Variants in PCDHGB5 observed in about 807,000 individuals in gnomAD.
The protein encoded by PCDHGB5 is protocadherin gamma subfamily B, 5.
PCDHGB5 carries 48 observed loss-of-function variants against 62.9 expected under a neutral mutation model. That is an observed-to-expected ratio of 0.76 (90% CI 0.61 to 0.97). PCDHGB5 has a LOEUF of 0.97. Ranked by LOEUF, PCDHGB5 falls within the 50% of genes least tolerant of loss-of-function variation. The pLI, the probability that PCDHGB5 is intolerant of heterozygous loss-of-function variation, is 0.00. For missense variants in PCDHGB5, 1,118 were observed against 1,198.6 expected, an observed-to-expected ratio of 0.93 and a Z score of 0.99; for synonymous variants, 474 against 511.2, an observed-to-expected ratio of 0.93 and a Z score of 0.98.
Position 141,433,359 on chromosome 5 carries a change from CTAT to C in PCDHGB5, c.2397+32836_2397+32838del, listed in dbSNP as rs2097588942. 4 of 228,708 alleles carry C rather than the reference CTAT, an allele frequency of 1.7e-5. No homozygotes were observed. In the African/African-American group the frequency reaches 3.4e-4, roughly 19 times the overall value. The allele number at this position is 228,708 out of a possible 1,614,324, so 14.2% of individuals were successfully genotyped here. ...CAGGTGCAAGCCACCTACTGTCTGC[CTAT>C]CTATCTATCTATCTATCTATCTATC... On this transcript the variant is annotated intron_variant, in intron 1 of 3. Coordinates refer to ENST00000617380, the MANE Select transcript of PCDHGB5 (RefSeq NM_018925.3).
intron 3 of PCDHGB5, among the ~76,000 whole-genome samples, chr5:141,509,353 C>A (rs2099876446): frequency 6.6e-6 from 1 of 152,170 alleles, no homozygotes; most frequent in Non-Finnish European, 1.5e-5. Context: ...CTGGCCTGGG[C>A]ATCCCTGAGG....
rs941528168 is a variant in PCDHGB5, at chr5:141,476,433, T to C, written c.2398-18374T>C. 2 of 1,614,094 alleles carry C rather than the reference T, an allele frequency of 1.2e-6. No individual in the cohort carries two copies. The highest frequency in any genetic ancestry group is 2.2e-5 in the East Asian group (1 of 44,856). ...TGTGGGACACTGCCCTCTTGCACTGTAACTCTGGAGTTGGTAGTGGAGAAC... is the reference window on the plus strand; with the variant it reads ...TGTGGGACACTGCCCTCTTGCACTGCAACTCTGGAGTTGGTAGTGGAGAAC... On this transcript the variant is annotated intron_variant, in intron 1 of 3. Coordinates refer to ENST00000617380, the MANE Select transcript of PCDHGB5 (RefSeq NM_018925.3). This position sits in a 1 kb window ranked among gnomAD's most constrained non-coding sequence, Gnocchi z 7.6.
chr5:141,454,625 C>G (rs1193628253), intron 1 of PCDHGB5, among the ~76,000 whole-genome samples: 1 of 151,512 alleles, frequency 6.6e-6, no homozygotes, highest in Admixed American at 6.6e-5. Context: ...AGGCTGGTCT[C>G]GAACCCCCAA....
intron 2 of PCDHGB5, among the ~76,000 whole-genome samples, chr5:141,498,543 C>T (rs2099784198): frequency 6.6e-6 from 1 of 151,870 alleles, no homozygotes; most frequent in South Asian, 2.1e-4. Flanking sequence ...CTGGTCTGGT[C>T]AGACACACCA....
chr5:141,455,924 G>A (rs2098837630), intron 1 of PCDHGB5, among the ~76,000 whole-genome samples: 1 of 149,978 alleles, frequency 6.7e-6, no homozygotes. Flanking sequence ...TTGAGACGGA[G>A]TCTCGCTCTG....
chr5:141,470,054 C>T (rs895181664), intron 1 of PCDHGB5, among the ~76,000 whole-genome samples: 2 of 152,118 alleles, frequency 1.3e-5, no homozygotes, highest in African/African-American at 4.8e-5. Flanking sequence ...GTTTGAACCC[C>T]GGAGGCAGAG....
chr5:141,440,902 G>C (rs138147244), intron 1 of PCDHGB5: 1 of 152,110 alleles, frequency 6.6e-6, no homozygotes, highest in Admixed American at 6.6e-5. Context: ...ATGTGCATCC[G>C]GGCACTCCTG....
intron 1 of PCDHGB5, among the ~76,000 whole-genome samples, chr5:141,484,796 C>A (rs987893041): frequency 1.3e-5 from 2 of 151,304 alleles, no homozygotes; most frequent in African/African-American, 4.9e-5. Flanking sequence ...GATAACAACC[C>A]GTGGAAAAAC....
chr5:141,424,393 A>G (rs1241872928), intron 1 of PCDHGB5: 1 of 152,120 alleles, frequency 6.6e-6, no homozygotes, highest in Non-Finnish European at 1.5e-5. Flanking sequence ...TGTCTTTTCC[A>G]TTACTATGGT....
chr5:141,458,347 T>A (rs1351687231), intron 1 of PCDHGB5, among the ~76,000 whole-genome samples: 1 of 151,916 alleles, frequency 6.6e-6, no homozygotes, highest in Non-Finnish European at 1.5e-5. Flanking sequence ...AGTGGAGAGT[T>A]TAATAAGCAA....
intron 1 of PCDHGB5, among the ~76,000 whole-genome samples, chr5:141,472,980 C>CAAAAAAAAAAAAAAAAGAAAAAAA (rs2099308501): frequency 2.3e-5 from 2 of 86,104 alleles, no homozygotes; most frequent in African/African-American, 7.8e-5. Flanking sequence ...GAGTGAAACT[C>CAAAAAAAAAAAAAAAAGAAAAAAA]AAAAAAAAAA....
At chr5:141,424,547 T>A (rs1484479408) in intron 1 of PCDHGB5, 2 of 152,238 alleles carry the variant, frequency 1.3e-5, no homozygotes, top group African/African-American at 4.8e-5. Flanking sequence ...AACTTGATTT[T>A]GATTCAGTGC....
At chr5:141,437,832 G>A (rs929534984) in intron 1 of PCDHGB5, among the ~76,000 whole-genome samples, 2 of 151,794 alleles carry the variant, frequency 1.3e-5, no homozygotes, top group Admixed American at 1.3e-4. Context: ...CTGCCTCCTG[G>A]GTTCATGCTA....
intron 1 of PCDHGB5, chr5:141,422,162 A>T: frequency 6.4e-7 from 1 of 1,571,230 alleles, no homozygotes; most frequent in Non-Finnish European, 8.6e-7. Context: ...GATTTTGAAA[A>T]ATATAGATTC....
In PCDHGB5 at chr5:141,512,394, C is replaced by A. The variant is rs750967336; in HGVS notation, c.*1221C>A. 1 of 152,706 alleles carries A rather than the reference C, an allele frequency of 6.5e-6. No homozygotes were observed. The highest frequency in any genetic ancestry group is 1.5e-5 in the Non-Finnish European group (1 of 68,084). The allele number at this position is 152,706 out of a possible 1,614,324, so 9.5% of individuals were successfully genotyped here. ...GACCAAATGAACAGAAAGTCTCAGC[C>A]CAGGATGGGGCTTCTTCAACAGGGC... is the stretch of plus-strand genomic sequence containing the variant. On this transcript the variant is annotated 3_prime_UTR_variant, in exon 4 of 4. Transcript: ENST00000617380.
chr5:141,471,080 C>T (rs2099249652), intron 1 of PCDHGB5, among the ~76,000 whole-genome samples: 1 of 147,610 alleles, frequency 6.8e-6, no homozygotes, highest in African/African-American at 2.5e-5. Context: ...ACAGGGTCTC[C>T]CTCTGTTGTC....
At chr5:141,484,287 C>T (rs1432341538) in intron 1 of PCDHGB5, among the ~76,000 whole-genome samples, 1 of 152,268 alleles carries the variant, frequency 6.6e-6, no homozygotes, top group Non-Finnish European at 1.5e-5. Context: ...GAAACATCTC[C>T]CTCTCCTGGC....
chr5:141,429,421 C>T (rs1223756901), intron 1 of PCDHGB5, among the ~76,000 whole-genome samples: 1 of 151,486 alleles, frequency 6.6e-6, no homozygotes, highest in Non-Finnish European at 1.5e-5. Context: ...CATTATGTTG[C>T]CCAGGCTGGA....
chr5:141,477,845 GT>G lies in PCDHGB5; in HGVS notation c.2398-16961del, dbSNP rs1562065234. ...ATATCCTCGGCCAGGTGGGAGCTCG[GT>G]GGAGATGCTGCCTCGAGGTACCTCA... is the stretch of plus-strand genomic sequence containing the variant. On this transcript the variant is annotated intron_variant, in intron 1 of 3. Coordinates refer to ENST00000617380, the MANE Select transcript of PCDHGB5 (RefSeq NM_018925.3). This position sits in a 1 kb window ranked among gnomAD's most constrained non-coding sequence, Gnocchi z 4.9. 1 of 1,614,038 alleles carries G rather than the reference GT, an allele frequency of 6.2e-7. No homozygotes were observed. Among genetic ancestry groups the G allele is most frequent in the East Asian group, 2.2e-5 (1 of 44,896 alleles).
Sources: gnomAD v4.1 joint callset for allele counts (sites outside exome capture counted in the v4.1 genomes callset) on GRCh38, gnomAD v4.1.1 for gene constraint, Gnocchi (gnomAD v3.1) non-coding constraint, MANE v1.5 for transcripts, NCBI Gene and HGNC (gene_info 2026-07-23, HGNC 2026-07-21) for gene names.